Variants in PCGF2 observed in about 807,000 individuals in gnomAD.
PCGF2 encodes polycomb group RING finger protein 2.
PCGF2 carries 8 observed loss-of-function variants against 36.1 expected under a neutral mutation model. The observed-to-expected ratio is 0.22, with a 90% CI of 0.13 to 0.40. The LOEUF is 0.40. Among genes scored for constraint, PCGF2 ranks in the 10% least tolerant of loss-of-function variants. The pLI, the probability that PCGF2 is intolerant of heterozygous loss-of-function variation, is 1.00. For missense variants in PCGF2, 436 were observed against 475.9 expected (o/e 0.92, Z 0.78); for synonymous variants, 198 against 191.2 (o/e 1.04, Z -0.29).
chr17:38,735,106 G>A lies in PCGF2; in HGVS notation c.*117C>T, dbSNP rs368418582. On this transcript the variant is annotated 3_prime_UTR_variant, in exon 11 of 11. Coordinates refer to ENST00000620225, the MANE Select transcript of PCGF2 (RefSeq NM_007144.3). ...ATATATATATTTATTTATAAAACCC[G>A]CCCCCCACCCCCAAGGTGGGAAGAG... is the stretch of plus-strand genomic sequence containing the variant. 5.5e-5 allele frequency: 40 copies of A among 726,386 alleles called. No homozygotes were observed. The highest frequency in any genetic ancestry group is 2.0e-4 in the Admixed American group (5 of 25,624). The allele number at this position is 726,386 out of a possible 1,614,324, so 45.0% of individuals were successfully genotyped here.
Position 38,739,757 on chromosome 17 carries a change from CAG to C in PCGF2, c.113-77_113-76del, listed in dbSNP as rs568265211. 760 of 1,074,696 alleles carry C rather than the reference CAG, an allele frequency of 7.1e-4. 4 individuals carry two copies. The African/African-American group carries it at 0.011, about 16-fold the overall frequency. The allele number at this position is 1,074,696 out of a possible 1,614,324, so 66.6% of individuals were successfully genotyped here. ...AGGACCAGCCTCCCCGCCCTCTGCT[CAG>C]ACTCAGATATCCCTCCTCCTCCACC... On this transcript the variant is annotated intron_variant, in intron 3 of 10. Coordinates refer to ENST00000620225, the MANE Select transcript of PCGF2 (RefSeq NM_007144.3). The surrounding 1 kb of genome is among the most constrained non-coding windows in gnomAD (Gnocchi z 4.0).
Position 38,734,527 on chromosome 17 carries a change from G to GGAA in PCGF2, c.*695_*696insTTC, listed in dbSNP as rs1555625039. On this transcript the variant is annotated 3_prime_UTR_variant, in exon 11 of 11. Transcript: ENST00000620225. ...AATGATGCAAAGGCCACACACACAG[G>GGAA]AAAAAAAAAAAAAGAGGCAGAACTA... is the stretch of plus-strand genomic sequence containing the variant. 1.0e-4 allele frequency: 15 copies of GGAA among 144,264 alleles called. No individual in the cohort carries two copies. The highest frequency in any genetic ancestry group is 1.0e-3 in the Admixed American group (15 of 14,496). 8.9% of individuals were successfully genotyped at this position (144,264 alleles called of 1,614,324 possible).
chr17:38,738,531 C>T lies in PCGF2; in HGVS notation c.480+10G>A, dbSNP rs1257446107. ...CCACATTCCAGTCCTGGGCAGGCCCCAGCACTCACTTTCTCTTTGTCCCCA... is the reference window on the plus strand; with the variant it reads ...CCACATTCCAGTCCTGGGCAGGCCCTAGCACTCACTTTCTCTTTGTCCCCA... On this transcript the variant is annotated intron_variant, in intron 8 of 10. Coordinates refer to ENST00000620225, the MANE Select transcript of PCGF2 (RefSeq NM_007144.3). 1 of 1,608,016 alleles carries T rather than the reference C, an allele frequency of 6.2e-7. No individual in the cohort carries two copies. Among genetic ancestry groups the T allele is most frequent in the Non-Finnish European group, 8.5e-7 (1 of 1,176,228 alleles).
In PCGF2 at chr17:38,748,178, G is replaced by C. The variant is rs1409495333; in HGVS notation, c.-134+18C>G. 6.9e-6 allele frequency: 1 copy of C among 145,886 alleles called. No individual in the cohort carries two copies. The highest frequency in any genetic ancestry group is 2.3e-4 in the South Asian group (1 of 4,350). 9.0% of individuals were successfully genotyped at this position (145,886 alleles called of 1,614,324 possible). On this transcript the variant is annotated intron_variant, in intron 1 of 10. Coordinates refer to ENST00000620225, the MANE Select transcript of PCGF2 (RefSeq NM_007144.3). ...CAGGCCAGGAGAGGGAAAGGCAGGG[G>C]GAGTCCGCTCCGCTTACCTGGGTTC...
chr17:38,749,739 T>C (rs952796662), upstream of PCGF2: 3 of 454,778 alleles, frequency 6.6e-6, no homozygotes, highest in African/African-American at 6.0e-5. The surrounding 1 kb of genome is among the most constrained non-coding windows in gnomAD (Gnocchi z 6.5). Context: ...CTCGGGTGAA[T>C]GCTTTCGCCC....
intron 2 of PCGF2, among the ~76,000 whole-genome samples, chr17:38,743,686 T>C (rs1359431848): frequency 1.3e-5 from 2 of 152,148 alleles, no homozygotes; most frequent in Non-Finnish European, 2.9e-5. Flanking sequence ...GCTCCTCACC[T>C]GATTGCCATG....
upstream of PCGF2, among the ~76,000 whole-genome samples, chr17:38,749,113 G>A (rs1907753936): frequency 6.6e-6 from 1 of 152,218 alleles, no homozygotes; most frequent in Non-Finnish European, 1.5e-5. The surrounding 1 kb of genome is among the most constrained non-coding windows in gnomAD (Gnocchi z 6.5). Flanking sequence ...CGCTGAGGAT[G>A]GGAACTCAGG....
At position 38,735,120 on chromosome 17, in the gene PCGF2, A is replaced by G; in HGVS notation, c.*103T>C. 1 of 809,132 alleles carries G rather than the reference A, an allele frequency of 1.2e-6. No homozygotes were observed. Among genetic ancestry groups the G allele is most frequent in the African/African-American group, 1.8e-5 (1 of 55,748 alleles). 50.1% of individuals were successfully genotyped at this position (809,132 alleles called of 1,614,324 possible). A position where few individuals can be genotyped will look rare whatever the true frequency, so the allele number is the denominator to read the frequency against. On this transcript the variant is annotated 3_prime_UTR_variant, in exon 11 of 11. Coordinates refer to ENST00000620225, the MANE Select transcript of PCGF2 (RefSeq NM_007144.3). ...TTATAAAACCCGCCCCCCACCCCCA[A>G]GGTGGGAAGAGCTGGGGAAAGTAGA...
upstream of PCGF2, chr17:38,749,272 T>C (rs1598025265): frequency 4.8e-6 from 1 of 207,022 alleles, no homozygotes; most frequent in Non-Finnish European, 1.0e-5. This position sits in a 1 kb window ranked among gnomAD's most constrained non-coding sequence, Gnocchi z 6.5. Flanking sequence ...CGCTGCGCGC[T>C]GCCTGTGCGC....
At position 38,739,746 on chromosome 17, in the gene PCGF2, C is replaced by T. The variant is rs932134253; in HGVS notation, c.113-64G>A. The T allele has an allele frequency of 2.1e-5, 25 of 1,196,798 alleles. No homozygotes were observed. Among genetic ancestry groups the T allele is most frequent in the East Asian group, 7.0e-5 (3 of 42,972 alleles). The allele number at this position is 1,196,798 out of a possible 1,614,324, so 74.1% of individuals were successfully genotyped here. A position where few individuals can be genotyped will look rare whatever the true frequency, so the allele number is the denominator to read the frequency against. Reference sequence around the variant, plus strand: ...CTTCCAACTCCAGGACCAGCCTCCCCGCCCTCTGCTCAGACTCAGATATCC... The same window carrying T: ...CTTCCAACTCCAGGACCAGCCTCCCTGCCCTCTGCTCAGACTCAGATATCC... On this transcript the variant is annotated intron_variant, in intron 3 of 10. Transcript: ENST00000620225. The surrounding 1 kb of genome is among the most constrained non-coding windows in gnomAD (Gnocchi z 4.0).
intron 2 of PCGF2, among the ~76,000 whole-genome samples, chr17:38,742,382 C>A (rs1450448881): frequency 6.6e-6 from 1 of 152,188 alleles, no homozygotes. Flanking sequence ...TATAGAGACC[C>A]CAGGATGAGT....
In PCGF2 at chr17:38,739,304, C is replaced by T. The variant is rs371972755; in HGVS notation, c.210-51G>A. On this transcript the variant is annotated intron_variant, in intron 4 of 10. Coordinates refer to ENST00000620225, the MANE Select transcript of PCGF2 (RefSeq NM_007144.3). The surrounding 1 kb of genome is among the most constrained non-coding windows in gnomAD (Gnocchi z 4.0). The stretch of plus-strand genomic sequence containing the variant: ...CAGCAATGCCTTCTCCAGAGCGCTC[C>T]GACCTCGCCCTGCTCTCCCAGCCAG... 4.2e-4 allele frequency: 641 copies of T among 1,522,428 alleles called. 8 individuals carry two copies. In the South Asian group the frequency reaches 4.4e-3, roughly 11 times the overall value. 94.3% of individuals were successfully genotyped at this position (1,522,428 alleles called of 1,614,324 possible). A position where few individuals can be genotyped will look rare whatever the true frequency, so the allele number is the denominator to read the frequency against.
chr17:38,738,139 C>T (rs982990853), intron 9 of PCGF2, among the ~76,000 whole-genome samples: 2 of 152,154 alleles, frequency 1.3e-5, no homozygotes, highest in African/African-American at 4.8e-5. Flanking sequence ...CACATACACA[C>T]CGTCTTGGTC....
rs1040604839 is a variant in PCGF2, at chr17:38,734,958, A to G, written c.*265T>C. On this transcript the variant is annotated 3_prime_UTR_variant, in exon 11 of 11. Coordinates refer to ENST00000620225, the MANE Select transcript of PCGF2 (RefSeq NM_007144.3). The stretch of plus-strand genomic sequence containing the variant: ...CAAATTACACAAGACCCCCCCCAAA[A>G]AAAATGAACACCATTTTCCACACAT... 4.1e-5 allele frequency: 12 copies of G among 291,834 alleles called. No homozygotes were observed. Among genetic ancestry groups the G allele is most frequent in the Admixed American group, 5.1e-5 (1 of 19,762 alleles). The allele number at this position is 291,834 out of a possible 1,614,324, so 18.1% of individuals were successfully genotyped here. A position where few individuals can be genotyped will look rare whatever the true frequency, so the allele number is the denominator to read the frequency against.
chr17:38,748,758 C>T (rs1371158867), upstream of PCGF2, among the ~76,000 whole-genome samples: 2 of 152,170 alleles, frequency 1.3e-5, no homozygotes, highest in Non-Finnish European at 2.9e-5. Flanking sequence ...TCCTCCACGC[C>T]CCGGCCTAGA....
At chr17:38,736,855 A>AAC (rs1338738546) in intron 9 of PCGF2, among the ~76,000 whole-genome samples, 4 of 149,762 alleles carry the variant, frequency 2.7e-5, no homozygotes. Context: ...AACAAAACAA[A>AAC]AAACAAACAC....
intron 2 of PCGF2, among the ~76,000 whole-genome samples, chr17:38,741,886 C>A (rs948937473): frequency 6.6e-6 from 1 of 152,186 alleles, no homozygotes; most frequent in Non-Finnish European, 1.5e-5. Flanking sequence ...CACAAGCACA[C>A]AGGGTCCAGG....
In PCGF2 at chr17:38,748,312, C is replaced by A. The variant is rs1907692540; in HGVS notation, c.-250G>T. 1 of 129,796 alleles carries A rather than the reference C, an allele frequency of 7.7e-6. No homozygotes were observed. The highest frequency in any genetic ancestry group is 2.9e-5 in the African/African-American group (1 of 34,438). 8.0% of individuals were successfully genotyped at this position (129,796 alleles called of 1,614,324 possible). A position where few individuals can be genotyped will look rare whatever the true frequency, so the allele number is the denominator to read the frequency against. ...CGGGCGGCGGGAGGGGAGAAACCTA[C>A]GGTAAGAAAGGAGTTTGTGAAAGCG... On this transcript the variant is annotated 5_prime_UTR_variant, in exon 1 of 11. Transcript: ENST00000620225.
intron 6 of PCGF2, 34 bp from the exon 7 acceptor site, chr17:38,738,895 G>C (rs764805477): frequency 4.4e-6 from 7 of 1,584,748 alleles, no homozygotes; most frequent in Non-Finnish European, 5.2e-6. Context: ...GTTGGCGGAG[G>C]ATGTAGGAAG....
Sources: gnomAD v4.1 joint callset for allele counts (sites outside exome capture counted in the v4.1 genomes callset) on GRCh38, gnomAD v4.1.1 for gene constraint, Gnocchi (gnomAD v3.1) non-coding constraint, MANE v1.5 for transcripts, NCBI Gene and HGNC (gene_info 2026-07-23, HGNC 2026-07-21) for gene names.